Variants in MIPEP observed in about 807,000 individuals in gnomAD.
MIPEP encodes mitochondrial intermediate peptidase.
In MIPEP, 79 loss-of-function variants were observed where a neutral mutation model predicts 90.3. The ratio of observed to expected loss-of-function variants is 0.87; its 90% CI spans 0.73 to 1.05. MIPEP has a LOEUF of 1.05. Among genes scored for constraint, MIPEP ranks in the 50% least tolerant of loss-of-function variants. MIPEP has a pLI of 0.00. For synonymous variants in MIPEP, 334 were observed against 315.8 expected (o/e 1.06, Z -0.61); for missense variants, 940 against 905.6 (o/e 1.04, Z -0.49).
At chr13:23,815,681 C>T (rs58222223) in intron 14 of MIPEP, among the ~76,000 whole-genome samples, 2,703 of 152,206 alleles carry the variant, frequency 0.018, 90 homozygotes, top group African/African-American at 0.062. Context: ...TCAAATTACC[C>T]GGCTTTAGAA....
In MIPEP at chr13:23,889,148, A is replaced by T; in HGVS notation, c.173T>A (p.Leu58Gln). The stretch of plus-strand genomic sequence containing the variant: ...GCCGCTCACCCGGCGCTCGCCGAAC[A>T]GGTCCAAGCGGCTGCCCTGGGGCTT... The part of the protein sequence containing the change: ...NVKPQGSRLD[L>Q]FGERRGLFGV... The change falls in exon 1 of 19, where the codon CTG (leucine) becomes CAG (glutamine). Residue 58 changes from leucine to glutamine, a missense_variant. Physicochemically the swap from Leu to Gln is moderately radical, Grantham distance 113. Transcript: ENST00000382172. 5 of 1,442,524 alleles carry T rather than the reference A, an allele frequency of 3.5e-6. No homozygotes were observed. Among genetic ancestry groups the T allele is most frequent in the Non-Finnish European group, 4.6e-6 (5 of 1,098,696 alleles). 89.4% of individuals were successfully genotyped at this position (1,442,524 alleles called of 1,614,324 possible).
intron 10 of MIPEP, among the ~76,000 whole-genome samples, chr13:23,849,998 C>T (rs1869731968): frequency 1.3e-5 from 2 of 152,234 alleles, no homozygotes; most frequent in Admixed American, 1.3e-4. Flanking sequence ...CAGCTTCAGT[C>T]TCACCTTATT....
At chr13:23,835,871 T>A (rs1016971464) in intron 14 of MIPEP, among the ~76,000 whole-genome samples, 1 of 152,144 alleles carries the variant, frequency 6.6e-6, no homozygotes, top group South Asian at 2.1e-4. Context: ...AGAGAATAAA[T>A]ATTCAGAAGC....
chr13:23,782,244 T>C (rs1460135352), intron 16 of MIPEP, among the ~76,000 whole-genome samples: 4 of 152,062 alleles, frequency 2.6e-5, no homozygotes, highest in African/African-American at 9.7e-5. Flanking sequence ...ACAGAAATTA[T>C]AACAAACTGT....
chr13:23,741,807 G>A lies in MIPEP; in HGVS notation c.2045-11362C>T, dbSNP rs1593126932. Among the ~76,000 whole-genome samples the A allele has an allele frequency of 5.4e-5, 8 of 148,190 alleles. No individual in the cohort carries two copies. In the South Asian group the frequency reaches 8.5e-4, roughly 16 times the overall value. On this transcript the variant is annotated intron_variant, in intron 18 of 18. Transcript: ENST00000382172. ...TATAACAAACCTGCACATGTACACC[G>A]AACCTAGAAAAAAAATTTAAAAAAA... is the stretch of plus-strand genomic sequence containing the variant.
chr13:23,852,716 G>C (rs1220310484), intron 10 of MIPEP, among the ~76,000 whole-genome samples: 1 of 152,104 alleles, frequency 6.6e-6, no homozygotes, highest in Non-Finnish European at 1.5e-5. Context: ...CACTATTTTG[G>C]TGTACTCCTT....
chr13:23,787,525 T>C (rs911097862), intron 16 of MIPEP, among the ~76,000 whole-genome samples: 3 of 152,280 alleles, frequency 2.0e-5, no homozygotes, highest in East Asian at 3.9e-4. Flanking sequence ...CTTCATATCC[T>C]AAAGATCTCC....
intron 14 of MIPEP, among the ~76,000 whole-genome samples, chr13:23,818,960 T>C (rs1953274576): frequency 6.6e-6 from 1 of 152,212 alleles, no homozygotes; most frequent in Non-Finnish European, 1.5e-5. Context: ...AAAAAAACAT[T>C]AGATGGCAAG....
Position 23,779,634 on chromosome 13 carries a change from G to A in MIPEP, c.1849-19417C>T, listed in dbSNP as rs377480648. Among the ~76,000 whole-genome samples, 40 of 152,104 alleles carry A rather than the reference G, an allele frequency of 2.6e-4. No individual in the cohort carries two copies. In the South Asian group the frequency reaches 7.3e-3, roughly 28 times the overall value. ...GGCAGGACAGTGGGTGCAGCCCACC[G>A]AGTGTGAGCCAAAGCAGGGTGAGGC... On this transcript the variant is annotated intron_variant, in intron 16 of 18. Transcript: ENST00000382172.
At chr13:23,848,522 G>A (rs935426996) in intron 10 of MIPEP, among the ~76,000 whole-genome samples, 5 of 152,180 alleles carry the variant, frequency 3.3e-5, no homozygotes, top group Non-Finnish European at 7.3e-5. Context: ...CAGGGGCAGA[G>A]GAGCACTGCA....
chr13:23,833,036 T>C (rs1413675709), intron 14 of MIPEP, among the ~76,000 whole-genome samples: 1 of 152,188 alleles, frequency 6.6e-6, no homozygotes, highest in African/African-American at 2.4e-5. Context: ...AGTCACTGAT[T>C]ATCCTCTACC....
chr13:23,738,747 T>G (rs1952291986), intron 18 of MIPEP, among the ~76,000 whole-genome samples: 1 of 152,186 alleles, frequency 6.6e-6, no homozygotes, highest in Non-Finnish European at 1.5e-5. Flanking sequence ...CCTCTGTGAC[T>G]GGCTGAGACT....
chr13:23,760,358 T>A (rs1952529104), intron 16 of MIPEP, 141 bp from the exon 17 acceptor site: 1 of 1,072,080 alleles, frequency 9.3e-7, no homozygotes, highest in Non-Finnish European at 1.4e-6. Context: ...ACGTCACCTA[T>A]GATATCAATA....
At chr13:23,871,346 TAGGCTGACTGG>T (rs1386445446) in intron 5 of MIPEP, among the ~76,000 whole-genome samples, 2 of 152,152 alleles carry the variant, frequency 1.3e-5, no homozygotes, top group Non-Finnish European at 2.9e-5. Flanking sequence ...ACCACATAAT[TAGGCTGACTGG>T]AGGAGAAGGG....
rs1178357777 is a variant in MIPEP at position 23,795,621 on chromosome 13, A to T, written c.1848+10329T>A. ...AACGCTTTTAAGGTAAAATCATTAT[A>T]TACTTGATGCTACATGAGGTCAATA... On this transcript the variant is annotated intron_variant, in intron 16 of 18. Transcript: ENST00000382172. 2.0e-5 allele frequency among the ~76,000 whole-genome samples: 3 copies of T among 152,226 alleles called. No homozygotes were observed. In the East Asian group the frequency reaches 5.8e-4, roughly 29 times the overall value.
At chr13:23,777,425 T>TA (rs1158814184) in intron 16 of MIPEP, among the ~76,000 whole-genome samples, 1 of 152,024 alleles carries the variant, frequency 6.6e-6, no homozygotes, top group Non-Finnish European at 1.5e-5. Context: ...TCCTAGAAAA[T>TA]AAAAGACAGT....
At position 23,806,055 on chromosome 13, in the gene MIPEP, A is replaced by G. The variant is rs750107885; in HGVS notation, c.1743T>C (p.Thr581=). Residue 581 remains threonine, a synonymous_variant, in exon 16 of 19, where the codon ACT becomes ACC. Coordinates refer to ENST00000382172, the MANE Select transcript of MIPEP (RefSeq NM_005932.4). ...GCTTCCCATGGTAGATTTGATCCAG[A>G]GTGGCATAAAAGACCTAGATAGATA... The part of the protein sequence containing the change: ...ADMQLQVFYA[T]LDQIYHGKHP... 4 of 1,614,038 alleles carry G rather than the reference A, an allele frequency of 2.5e-6. No homozygotes were observed. The Admixed American group carries it at 6.7e-5, about 27-fold the overall frequency.
rs1039410599 is a variant in MIPEP at position 23,837,487 on chromosome 13, C to T, written c.1543+65G>A. 5.5e-6 allele frequency: 7 copies of T among 1,282,668 alleles called. No individual in the cohort carries two copies. The African/African-American group carries it at 8.8e-5, about 16-fold the overall frequency. The allele number at this position is 1,282,668 out of a possible 1,614,324, so 79.5% of individuals were successfully genotyped here. On this transcript the variant is annotated intron_variant, in intron 13 of 18. Transcript: ENST00000382172. ...ATTTTCCAAATAAAAAGCCCCTTTCCCAATTCAAAGAAAATGTATGTTTGT... is the reference window on the plus strand; with the variant it reads ...ATTTTCCAAATAAAAAGCCCCTTTCTCAATTCAAAGAAAATGTATGTTTGT...
chr13:23,865,585 T>C (rs9580769), intron 7 of MIPEP, among the ~76,000 whole-genome samples: 81,774 of 151,972 alleles, frequency 0.54, 22,203 homozygotes, highest in South Asian at 0.72. Context: ...TATGCTTGTA[T>C]ACGTTTTATT....
Sources: allele counts gnomAD v4.1 joint callset (sites outside exome capture counted in the v4.1 genomes callset), GRCh38; gene constraint gnomAD v4.1.1; transcripts MANE v1.5; gene names NCBI Gene and HGNC (gene_info 2026-07-23, HGNC 2026-07-21).